The following DGKI variants were observed in gnomAD, a reference collection of about 807,000 sequenced individuals.
DGKI encodes the protein DAG kinase iota.
A neutral mutation model predicts 147.5 loss-of-function variants in DGKI; 55 were observed. That is an observed-to-expected ratio of 0.37 (90% confidence interval 0.30 to 0.47). The LOEUF (loss-of-function observed/expected upper bound fraction) is 0.47, where lower values mean the gene tolerates loss of function less well. Among genes scored for constraint, DGKI ranks in the 20% least tolerant of loss-of-function variants. The pLI is 1.00. For missense variants in DGKI, 1,007 were observed against 1,323.8 expected (o/e 0.76, Z 3.71); for synonymous variants, 469 against 477.1 (o/e 0.98, Z 0.22).
At chr7:137,642,062 C>G (rs1349821003) in intron 6 of DGKI, among the ~76,000 whole-genome samples, 1 of 151,974 alleles carries the variant, frequency 6.6e-6, no homozygotes, top group Non-Finnish European at 1.5e-5. Context: ...CAAAAGTATG[C>G]ATTCTGCCTC....
chr7:137,469,929 T>C (rs1387471062), intron 23 of DGKI, among the ~76,000 whole-genome samples: 1 of 152,224 alleles, frequency 6.6e-6, no homozygotes, highest in Non-Finnish European at 1.5e-5. Context: ...TTCTTTCCCT[T>C]TGTGAAGCCA....
intron 1 of DGKI, among the ~76,000 whole-genome samples, chr7:137,781,739 G>C (rs547463871): frequency 6.6e-6 from 1 of 152,300 alleles, no homozygotes; most frequent in East Asian, 1.9e-4. Context: ...GTTTTGTTTT[G>C]TTTTGTTTTT....
At chr7:137,753,681 T>G (rs1795587024) in intron 1 of DGKI, among the ~76,000 whole-genome samples, 1 of 152,186 alleles carries the variant, frequency 6.6e-6, no homozygotes, top group Non-Finnish European at 1.5e-5. Flanking sequence ...TTTCTCTCTC[T>G]CTTCACATTC....
intron 28 of DGKI, among the ~76,000 whole-genome samples, chr7:137,433,200 G>T (rs1362542037): frequency 2.0e-5 from 3 of 152,176 alleles, no homozygotes; most frequent in Admixed American, 2.0e-4. Context: ...ATAATTGACA[G>T]GTTGGGCAAA....
chr7:137,476,764 C>G (rs1162391729), intron 23 of DGKI, among the ~76,000 whole-genome samples: 1 of 152,144 alleles, frequency 6.6e-6, no homozygotes, highest in African/African-American at 2.4e-5. Context: ...TAAGAGCTGG[C>G]CACAATAAAG....
chr7:137,720,958 C>T (rs1052306646), intron 1 of DGKI, among the ~76,000 whole-genome samples: 2 of 152,254 alleles, frequency 1.3e-5, no homozygotes, highest in Non-Finnish European at 1.5e-5. Context: ...AACTATGTTA[C>T]GTGTTTACAA....
chr7:137,784,787 A>G (rs529089132), intron 1 of DGKI, among the ~76,000 whole-genome samples: 18 of 152,122 alleles, frequency 1.2e-4, no homozygotes, highest in Non-Finnish European at 2.4e-4. Flanking sequence ...CCCAGACCAC[A>G]GTGGAATAAA....
In DGKI at chr7:137,572,776, T is replaced by C. The variant is rs779892777; in HGVS notation, c.1824A>G (p.Leu608=). Residue 608 remains leucine, a synonymous_variant, in exon 18 of 33, where the codon TTA becomes TTG. Coordinates refer to ENST00000614521, the MANE Select transcript of DGKI (RefSeq NM_001321708.2). Reference sequence around the variant, plus strand: ...CAAACAGAGCCTACCTGGGTATATTTAAAAATACTATACACTGGAACTTCA... The same window carrying C: ...CAAACAGAGCCTACCTGGGTATATTCAAAAATACTATACACTGGAACTTCA... The part of the protein sequence containing the change: ...QELKFQCIVF[L]NIPRYCAGTM... The C allele has an allele frequency of 1.9e-6, 3 of 1,607,042 alleles. No individual in the cohort carries two copies. In the South Asian group the frequency reaches 3.3e-5, roughly 18 times the overall value.
intron 28 of DGKI, among the ~76,000 whole-genome samples, chr7:137,442,559 A>C (rs1813551817): frequency 6.6e-6 from 1 of 152,232 alleles, no homozygotes; most frequent in African/African-American, 2.4e-5. Context: ...ATAAATGGGC[A>C]AACACCTAGT....
At chr7:137,460,848 TAATA>T (rs1265324412) in intron 27 of DGKI, among the ~76,000 whole-genome samples, 2 of 152,194 alleles carry the variant, frequency 1.3e-5, no homozygotes, top group African/African-American at 4.8e-5. Context: ...AACAATGACA[TAATA>T]AATCAAGGTG....
At chr7:137,706,596 A>T in intron 1 of DGKI, among the ~76,000 whole-genome samples, 1 of 142,882 alleles carries the variant, frequency 7.0e-6, no homozygotes, top group Admixed American at 7.1e-5. Flanking sequence ...TTTTTGAGAC[A>T]CAGTCTCGCT....
intron 1 of DGKI, among the ~76,000 whole-genome samples, chr7:137,764,897 G>A (rs1795964041): frequency 6.6e-6 from 1 of 152,116 alleles, no homozygotes; most frequent in Non-Finnish European, 1.5e-5. Flanking sequence ...CTATACCACA[G>A]AGAAATGGTC....
At chr7:137,470,355 C>T (rs934153979) in intron 23 of DGKI, among the ~76,000 whole-genome samples, 54 of 152,240 alleles carry the variant, frequency 3.5e-4, no homozygotes, top group African/African-American at 1.3e-3. Flanking sequence ...TCATTCTTTC[C>T]TCTGGGTTCG....
intron 10 of DGKI, among the ~76,000 whole-genome samples, chr7:137,602,441 T>A (rs1332330883): frequency 6.6e-6 from 1 of 152,228 alleles, no homozygotes; most frequent in East Asian, 1.9e-4. Context: ...ATAACTTGCA[T>A]AGCCAGGCAT....
At chr7:137,391,871 TTTC>T (rs1311016207) in intron 32 of DGKI, among the ~76,000 whole-genome samples, 1 of 152,200 alleles carries the variant, frequency 6.6e-6, no homozygotes, top group South Asian at 2.1e-4. Context: ...ACTTGGGCTA[TTTC>T]ATCTCTCTAA....
chr7:137,525,670 G>A (rs1817118928), intron 20 of DGKI, among the ~76,000 whole-genome samples: 3 of 152,118 alleles, frequency 2.0e-5, no homozygotes, highest in Non-Finnish European at 4.4e-5. Flanking sequence ...AATTAAATGA[G>A]CCAATACATG....
At chr7:137,684,512 CAGA>C (rs1043174001) in intron 2 of DGKI, among the ~76,000 whole-genome samples, 99 of 152,160 alleles carry the variant, frequency 6.5e-4, no homozygotes, top group African/African-American at 2.2e-3. Context: ...TGCCTCGGGG[CAGA>C]AGATTAGACC....
At chr7:137,674,768 T>C (rs777299758) in intron 3 of DGKI, among the ~76,000 whole-genome samples, 10 of 152,206 alleles carry the variant, frequency 6.6e-5, no homozygotes, top group Non-Finnish European at 1.0e-4. Flanking sequence ...ATCACTTATG[T>C]AAATCTTACC....
At chr7:137,567,811 A>G (rs1348190845) in intron 19 of DGKI, among the ~76,000 whole-genome samples, 1 of 152,216 alleles carries the variant, frequency 6.6e-6, no homozygotes, top group Non-Finnish European at 1.5e-5. Flanking sequence ...TATAAAAGAA[A>G]GTATCTTTTA....
Sources: gnomAD v4.1 joint callset for allele counts (sites outside exome capture counted in the v4.1 genomes callset) on GRCh38, gnomAD v4.1.1 for gene constraint, MANE v1.5 for transcripts, NCBI Gene and HGNC (gene_info 2026-07-23, HGNC 2026-07-21) for gene names.